The following SCARF1 variants were observed in gnomAD, a reference collection of about 807,000 sequenced individuals.
SCARF1 encodes scavenger receptor class F member 1.
SCARF1 carries 49 observed loss-of-function variants against 76.3 expected under a neutral mutation model. The observed-to-expected ratio is 0.64, with a 90% confidence interval of 0.51 to 0.81. The LOEUF is 0.81. SCARF1 is among the 40% of genes least tolerant of loss of function. The pLI, the probability that SCARF1 is intolerant of heterozygous loss-of-function variation, is 0.00. For synonymous variants in SCARF1, 495 were observed against 474.6 expected, an observed-to-expected ratio of 1.04 and a Z score of -0.56; for missense variants, 1,098 against 1,143.9, an observed-to-expected ratio of 0.96 and a Z score of 0.58.
intron 4 of SCARF1, 41 bp downstream of exon 4, chr17:1,643,401 C>T: frequency 1.7e-6 from 2 of 1,153,452 alleles, no homozygotes; most frequent in Non-Finnish European, 2.1e-6. Context: ...TGTGTCCGCC[C>T]CCGCCCCGCC....
At chr17:1,641,802 A>G (rs1001540968) in intron 4 of SCARF1, among the ~76,000 whole-genome samples, 2 of 152,022 alleles carry the variant, frequency 1.3e-5, no homozygotes, top group African/African-American at 2.4e-5. Flanking sequence ...GCTCACTGCA[A>G]CCTCCGCCTC....
Position 1,643,508 on chromosome 17 carries a change from C to A in SCARF1, c.725G>T (p.Gly242Val). 1 of 1,349,576 alleles carries A rather than the reference C, an allele frequency of 7.4e-7. No individual in the cohort carries two copies. The highest frequency in any genetic ancestry group is 1.8e-5 in the South Asian group (1 of 54,494). 83.6% of individuals were successfully genotyped at this position (1,349,576 alleles called of 1,614,324 possible). Residue 242 changes from glycine (G) to valine (V), a missense_variant, in exon 4 of 11, where the codon GGC becomes GTC. Transcript: ENST00000263071. The stretch of plus-strand genomic sequence containing the variant: ...CAGCTCGCAGCGCGCTCCGCGGAAG[C>A]CGGGCGGGCAGGTGCACTCGCCGGA... ...AASGECTCPPGFRGARCELPC... is the reference protein window; with the variant it reads ...AASGECTCPPVFRGARCELPC...
In SCARF1 at chr17:1,638,893, C is replaced by T; in HGVS notation, c.1277G>A (p.Gly426Asp). The part of the protein sequence containing the change: ...SGSRDTALIA[G>D]SLVPLLLLFL... ...GAGCAGCAGCAGAGGCACAAGGCTGCCCGCGATGAGGGCAGTGTCCCGACT... is the reference window on the plus strand; with the variant it reads ...GAGCAGCAGCAGAGGCACAAGGCTGTCCGCGATGAGGGCAGTGTCCCGACT... Residue 426 changes from glycine (G) to aspartate (D), a missense_variant, in exon 8 of 11, where the codon GGC becomes GAC. Coordinates refer to ENST00000263071, the MANE Select transcript of SCARF1 (RefSeq NM_003693.4). 6.2e-7 allele frequency: 1 copy of T among 1,609,692 alleles called. No individual in the cohort carries two copies. The highest frequency in any genetic ancestry group is 8.5e-7 in the Non-Finnish European group (1 of 1,177,596).
At chr17:1,642,645 C>T (rs62088047) in intron 4 of SCARF1, among the ~76,000 whole-genome samples, 3,918 of 152,202 alleles carry the variant, frequency 0.026, 73 homozygotes, top group Middle Eastern at 0.041. Context: ...GTATATTTTG[C>T]ACAGCAGTAA....
Position 1,635,046 on chromosome 17 carries a change from G to T in SCARF1, c.2205C>A (p.Ala735=). 1 of 1,613,906 alleles carries T rather than the reference G, an allele frequency of 6.2e-7. No homozygotes were observed. The highest frequency in any genetic ancestry group is 1.1e-5 in the South Asian group (1 of 91,088). Residue 735 remains alanine, a synonymous_variant, in exon 11 of 11, where the codon GCC becomes GCA. Transcript: ENST00000263071. ...KRAIPKPPRQ[A]LNRKKGSPGL... ...CAGGGCTGCCCTTTTTCCGATTCAG[G>T]GCCTGGCGCGGAGGCTTAGGGATGG...
In SCARF1 at chr17:1,640,404, CTGGGGGAAGGTGTACCCCA is replaced by C; in HGVS notation, c.1010+25_1010+43del. The C allele has an allele frequency of 6.6e-7, 1 of 1,505,822 alleles. No individual in the cohort carries two copies. The highest frequency in any genetic ancestry group is 9.0e-7 in the Non-Finnish European group (1 of 1,110,256). 93.3% of individuals were successfully genotyped at this position (1,505,822 alleles called of 1,614,324 possible). A position where few individuals can be genotyped will look rare whatever the true frequency, so the allele number is the denominator to read the frequency against. ...GGAGAGAGCCGCTGAGCTGAGGGTCCTGGGGGAAGGTGTACCCCACCCTGAACAGAATGGTGCCCTCACC... is the reference window on the plus strand; with the variant it reads ...GGAGAGAGCCGCTGAGCTGAGGGTCCCCCTGAACAGAATGGTGCCCTCACC... On this transcript the variant is annotated intron_variant, in intron 5 of 10. Coordinates refer to ENST00000263071, the MANE Select transcript of SCARF1 (RefSeq NM_003693.4). This position sits in a 1 kb window ranked among gnomAD's most constrained non-coding sequence, Gnocchi z 4.7.
At position 1,643,448 on chromosome 17, in the gene SCARF1, G is replaced by C. The variant is rs893925865; in HGVS notation, c.785C>G (p.Ala262Gly). ...CCCCGCCCCGCCCGCTCACCTGTGT[G>C]CGCACTGCACCCCGTGGCTGCCTGC... The part of the protein sequence containing the change: ...CPAGSHGVQC[A>G]HSCGRCKHNE... Residue 262 changes from alanine (A) to glycine (G), a missense_variant, in exon 4 of 11, where the codon GCA becomes GGA. Coordinates refer to ENST00000263071, the MANE Select transcript of SCARF1 (RefSeq NM_003693.4). 2.4e-6 allele frequency: 3 copies of C among 1,270,928 alleles called. No individual in the cohort carries two copies. The African/African-American group carries it at 4.7e-5, about 20-fold the overall frequency. The allele number at this position is 1,270,928 out of a possible 1,614,324, so 78.7% of individuals were successfully genotyped here.
chr17:1,637,617 C>T lies in SCARF1; in HGVS notation c.1365-555G>A, dbSNP rs1024653010. Among the ~76,000 whole-genome samples the T allele has an allele frequency of 3.3e-5, 5 of 152,120 alleles. 1 individual carries two copies. Among genetic ancestry groups the T allele is most frequent in the African/African-American group, 9.7e-5 (4 of 41,418 alleles). ...CCTCCTGAGTAGCTGGGATTACAGG[C>T]GTGCACCACCACACCCGGCTAATTT... On this transcript the variant is annotated intron_variant, in intron 8 of 10. Transcript: ENST00000263071.
chr17:1,636,284 G>A (rs943518025), intron 10 of SCARF1, among the ~76,000 whole-genome samples: 3 of 152,210 alleles, frequency 2.0e-5, no homozygotes. Context: ...AATCTGTCTT[G>A]TTATCTCTTG....
chr17:1,644,988 C>T lies in SCARF1; in HGVS notation c.164-53G>A, dbSNP rs1375655802. 4 of 1,585,840 alleles carry T rather than the reference C, an allele frequency of 2.5e-6. No individual in the cohort carries two copies. In the African/African-American group the frequency reaches 4.0e-5, roughly 16 times the overall value. On this transcript the variant is annotated intron_variant, in intron 2 of 10. Transcript: ENST00000263071. This position sits in a 1 kb window ranked among gnomAD's most constrained non-coding sequence, Gnocchi z 4.8. Reference sequence around the variant, plus strand: ...AGACGGGAGCAGGACCAGGGGACACCCCTGCCCTCTCACTGGCTCCAGGGG... The same window carrying T: ...AGACGGGAGCAGGACCAGGGGACACTCCTGCCCTCTCACTGGCTCCAGGGG...
Position 1,644,447 on chromosome 17 carries a change from T to G in SCARF1, c.265+387A>C. The G allele has an allele frequency of 3.2e-6, 1 of 313,370 alleles. No individual in the cohort carries two copies. 19.4% of individuals were successfully genotyped at this position (313,370 alleles called of 1,614,324 possible). Reference sequence around the variant, plus strand: ...TGGCTCTCCTGCTTCCCAACCCCTTTCCCTTCCCTCTCTTTCTGCCAGAGA... The same window carrying G: ...TGGCTCTCCTGCTTCCCAACCCCTTGCCCTTCCCTCTCTTTCTGCCAGAGA... On this transcript the variant is annotated intron_variant, in intron 3 of 10. Coordinates refer to ENST00000263071, the MANE Select transcript of SCARF1 (RefSeq NM_003693.4). This position sits in a 1 kb window ranked among gnomAD's most constrained non-coding sequence, Gnocchi z 4.8.
intron 8 of SCARF1, among the ~76,000 whole-genome samples, chr17:1,637,298 G>C (rs1180502305): frequency 6.6e-6 from 1 of 151,976 alleles, no homozygotes; most frequent in Non-Finnish European, 1.5e-5. Context: ...ACCTCCCTAG[G>C]CCTCAGTTTC....
Position 1,640,665 on chromosome 17 carries a change from A to G in SCARF1, c.793T>C (p.Cys265Arg), listed in dbSNP as rs770192916. ...GSHGVQCAHS[C>R]GRCKHNEPCS... is the part of the protein sequence containing the mutation. ...GGCTCATTGTGTTTGCAGCGGCCAC[A>G]GCTGGGAAGAGAAGGGCTTCGTGGG... Residue 265 changes from cysteine (C) to arginine (R), a missense_variant and splice_region_variant, in exon 5 of 11, where the codon TGT becomes CGT. By Grantham distance (180) the Cys-to-Arg change is radical (BLOSUM62 -3). Coordinates refer to ENST00000263071, the MANE Select transcript of SCARF1 (RefSeq NM_003693.4). This position sits in a 1 kb window ranked among gnomAD's most constrained non-coding sequence, Gnocchi z 4.7. 3.1e-6 allele frequency: 5 copies of G among 1,610,990 alleles called. No homozygotes were observed. The highest frequency in any genetic ancestry group is 3.3e-5 in the Admixed American group (2 of 59,842).
chr17:1,640,091 C>T lies in SCARF1; in HGVS notation c.1011-51G>A. Reference sequence around the variant, plus strand: ...GGGGAGACCAAGGCAGGCCTGGCCCCCACTGTGGGGCCCCACCCCTCCGCC... The same window carrying T: ...GGGGAGACCAAGGCAGGCCTGGCCCTCACTGTGGGGCCCCACCCCTCCGCC... On this transcript the variant is annotated intron_variant, in intron 5 of 10. Transcript: ENST00000263071. The surrounding 1 kb of genome is among the most constrained non-coding windows in gnomAD (Gnocchi z 4.7). 10 of 1,596,756 alleles carry T rather than the reference C, an allele frequency of 6.3e-6. No individual in the cohort carries two copies. Among genetic ancestry groups the T allele is most frequent in the Non-Finnish European group, 8.5e-6 (10 of 1,171,858 alleles).
At position 1,639,933 on chromosome 17, in the gene SCARF1, C is replaced by T. The variant is rs75221119; in HGVS notation, c.1118G>A (p.Ser373Asn). The T allele has an allele frequency of 6.2e-7, 1 of 1,613,930 alleles. No homozygotes were observed. Among genetic ancestry groups the T allele is most frequent in the Non-Finnish European group, 8.5e-7 (1 of 1,179,932 alleles). The change falls in exon 6 of 11, where the codon AGT becomes AAT. Residue 373 changes from serine to asparagine, a missense_variant. Physicochemically the swap from Ser to Asn is conservative, Grantham distance 46. Transcript: ENST00000263071. ...TTACCTGGGCCCCCAGTAGCCGGCA[C>T]TGCAGACACAGTCCCCTGTCACAGT... ...CDTVTGDCVCSAGYWGPSCNA... is the reference protein window; with the variant it reads ...CDTVTGDCVCNAGYWGPSCNA...
Position 1,640,073 on chromosome 17 carries a change from C to T in SCARF1, c.1011-33G>A, listed in dbSNP as rs536791144. ...GAGGCAAGACTCGGGGAAGGGGAGA[C>T]CAAGGCAGGCCTGGCCCCCACTGTG... On this transcript the variant is annotated intron_variant, in intron 5 of 10. Transcript: ENST00000263071. The surrounding 1 kb of genome is among the most constrained non-coding windows in gnomAD (Gnocchi z 4.7). 6.2e-6 allele frequency: 10 copies of T among 1,607,410 alleles called. No homozygotes were observed. Among genetic ancestry groups the T allele is most frequent in the South Asian group, 5.5e-5 (5 of 90,346 alleles).
intron 4 of SCARF1, among the ~76,000 whole-genome samples, chr17:1,642,955 G>C (rs1263096230): frequency 6.6e-6 from 1 of 152,160 alleles, no homozygotes; most frequent in Admixed American, 6.5e-5. Flanking sequence ...ACCCGCCTCA[G>C]CCTCCCAAAG....
Position 1,640,766 on chromosome 17 carries a change from A to C in SCARF1, c.792-100T>G. 8.6e-7 allele frequency: 1 copy of C among 1,166,406 alleles called. No individual in the cohort carries two copies. The highest frequency in any genetic ancestry group is 1.2e-6 in the Non-Finnish European group (1 of 807,156). 72.3% of individuals were successfully genotyped at this position (1,166,406 alleles called of 1,614,324 possible). ...CCACGCAGGCCTTCGGGGGCCCTGG[A>C]GAGTGTTCGGGTCCCACCTGGGTCA... On this transcript the variant is annotated intron_variant, in intron 4 of 10. Transcript: ENST00000263071. This position sits in a 1 kb window ranked among gnomAD's most constrained non-coding sequence, Gnocchi z 4.7.
chr17:1,639,533 T>A, intron 7 of SCARF1, 106 bp downstream of exon 7: 15 of 664,044 alleles, frequency 2.3e-5, no homozygotes, highest in Non-Finnish European at 3.4e-5. Flanking sequence ...AAAAAGAATA[T>A]CTCTGAAGTG....
Sources: gnomAD v4.1 joint callset for allele counts (sites outside exome capture counted in the v4.1 genomes callset) on GRCh38, gnomAD v4.1.1 for gene constraint, Gnocchi (gnomAD v3.1) non-coding constraint, MANE v1.5 for transcripts, NCBI Gene and HGNC (gene_info 2026-07-23, HGNC 2026-07-21) for gene names.